LAP3: variants seen among roughly 807,000 people sequenced by gnomAD.
LAP3 encodes leucine aminopeptidase 3, also known as cytosol aminopeptidase.
In LAP3, 46 loss-of-function variants were observed where a neutral mutation model predicts 58.8. That is an observed-to-expected ratio of 0.78 (90% confidence interval 0.62 to 1.00). The LOEUF is 1.00. Ranked by LOEUF, LAP3 falls within the 50% of genes least tolerant of loss-of-function variation. LAP3 has a pLI of 0.00. For missense variants in LAP3, 615 were observed against 659.1 expected (o/e 0.93, Z 0.73); for synonymous variants, 257 against 237.7 (o/e 1.08, Z -0.75).
chr4:17,587,773 G>T (rs1437729521), intron 6 of LAP3: 1 of 152,112 alleles, frequency 6.6e-6, no homozygotes, highest in East Asian at 1.9e-4. Flanking sequence ...TATTAAGTAA[G>T]AACTAACTAG....
intron 8 of LAP3, 83 bp downstream of exon 8, chr4:17,595,617 C>G: frequency 7.0e-7 from 1 of 1,431,572 alleles, no homozygotes; most frequent in Non-Finnish European, 9.7e-7. Flanking sequence ...TATGATTTCC[C>G]CTAATCTGAA....
At chr4:17,592,089 TTAAA>T (rs1319166810) in intron 7 of LAP3, among the ~76,000 whole-genome samples, 6 of 152,052 alleles carry the variant, frequency 3.9e-5, no homozygotes, top group East Asian at 1.9e-4. Context: ...AACACCATCT[TTAAA>T]TAAATAAATA....
intron 1 of LAP3, 37 bp downstream of exon 1, chr4:17,577,604 G>T: frequency 6.7e-7 from 1 of 1,484,346 alleles, no homozygotes; most frequent in Admixed American, 2.1e-5. Flanking sequence ...CCGCCGCTGG[G>T]GCCCTGCCCG....
At chr4:17,577,711 C>A (rs959360819) in intron 1 of LAP3, 144 bp downstream of exon 1, 3 of 640,166 alleles carry the variant, frequency 4.7e-6, no homozygotes, top group African/African-American at 1.9e-5. Flanking sequence ...TCTCTCCTTG[C>A]GGGGATCGGC....
At chr4:17,589,638 A>G (rs1367716101) in intron 7 of LAP3, among the ~76,000 whole-genome samples, 3 of 151,822 alleles carry the variant, frequency 2.0e-5, no homozygotes, top group Admixed American at 6.6e-5. Flanking sequence ...TTTTAAAAAA[A>G]ATATAGAGAT....
chr4:17,583,430 C>CT, intron 4 of LAP3, 53 bp from the exon 5 acceptor site: 3 of 1,604,810 alleles, frequency 1.9e-6, no homozygotes, highest in Non-Finnish European at 2.6e-6. Context: ...GCTGTCTGCT[C>CT]TTTGAGTTGT....
Position 17,583,496 on chromosome 4 carries a change from G to T in LAP3, c.393G>T (p.Gln131His), listed in dbSNP as rs748440338. The change falls in exon 5 of 13, where the codon CAG becomes CAT. Residue 131 changes from glutamine to histidine, a missense_variant. Gln to His is a conservative substitution (Grantham distance 24). Transcript: ENST00000226299. ...IRAAVAAGCR[Q>H]IQDLELSSVE... ...TGTCTTTTCAAGCGGGGTGCAGGCA[G>T]ATTCAAGACCTGGAGCTCTCGTCTG... 9.3e-6 allele frequency: 15 copies of T among 1,613,940 alleles called. No homozygotes were observed. The South Asian group carries it at 1.6e-4, about 18-fold the overall frequency.
chr4:17,597,057 CTT>C lies in LAP3; in HGVS notation c.1002_1003del (p.Cys335Ter). On this transcript the variant is annotated frameshift_variant, in exon 9 of 13. Transcript: ENST00000226299. LOFTEE classifies it high-confidence loss of function. Reference protein sequence around the residue: ...LPINIIGLAPLCENMPSGKAN... With the variant: ...LPINIIGLAPXCENMPSGKAN... ...ATTATTTCCAATAGGTCTGGCCCCT[CTT>C]TGTGAAAATATGCCCAGCGGCAAGG... The C allele has an allele frequency of 1.9e-6, 3 of 1,614,192 alleles. No homozygotes were observed. The highest frequency in any genetic ancestry group is 2.5e-6 in the Non-Finnish European group (3 of 1,180,010).
In LAP3 at chr4:17,607,492, A is replaced by G. The variant is rs963176420; in HGVS notation, c.1463A>G (p.Asn488Ser). 1 of 1,614,196 alleles carries G rather than the reference A, an allele frequency of 6.2e-7. No individual in the cohort carries two copies. The highest frequency in any genetic ancestry group is 8.5e-7 in the Non-Finnish European group (1 of 1,180,036). ...TTAGACATAGCAGGCGTGATGACCA[A>G]CAAAGATGAAGTTCCCTATCTACGG... ...AHLDIAGVMT[N>S]KDEVPYLRKG... is the part of the protein sequence containing the mutation. The change falls in exon 13 of 13, where the codon AAC (asparagine) becomes AGC (serine). Residue 488 changes from asparagine (N) to serine (S), a missense_variant. Physicochemically the swap from Asn to Ser is conservative, Grantham distance 46. Transcript: ENST00000226299.
chr4:17,591,693 G>T (rs982700994), intron 7 of LAP3, among the ~76,000 whole-genome samples: 3 of 152,150 alleles, frequency 2.0e-5, no homozygotes, highest in Non-Finnish European at 4.4e-5. Context: ...ACATGGTGAA[G>T]GCTGTAAGGT....
chr4:17,588,695 C>A, intron 6 of LAP3, 124 bp from the exon 7 acceptor site: 1 of 850,552 alleles, frequency 1.2e-6, no homozygotes, highest in Non-Finnish European at 1.7e-6. Context: ...TAATTGAAAC[C>A]TTAATGTGCG....
chr4:17,583,488 T>C lies in LAP3; in HGVS notation c.385T>C (p.Cys129Arg). 6.2e-7 allele frequency: 1 copy of C among 1,613,624 alleles called. No homozygotes were observed. Among genetic ancestry groups the C allele is most frequent in the Non-Finnish European group, 8.5e-7 (1 of 1,180,014 alleles). The change falls in exon 5 of 13, where the codon TGC (cysteine) becomes CGC (arginine). Residue 129 changes from cysteine to arginine, a missense_variant. Physicochemically the swap from Cys to Arg is radical, Grantham distance 180 (BLOSUM62 -3). Transcript: ENST00000226299. Reference sequence around the variant, plus strand: ...GATTCCTCTGTCTTTTCAAGCGGGGTGCAGGCAGATTCAAGACCTGGAGCT... The same window carrying C: ...GATTCCTCTGTCTTTTCAAGCGGGGCGCAGGCAGATTCAAGACCTGGAGCT... ...ENIRAAVAAG[C>R]RQIQDLELSS...
At position 17,577,267 on chromosome 4, in the gene LAP3, A is replaced by G. The variant is rs1713217494; in HGVS notation, c.-199A>G. On this transcript the variant is annotated 5_prime_UTR_variant, in exon 1 of 13. Coordinates refer to ENST00000226299, the MANE Select transcript of LAP3 (RefSeq NM_015907.3). ...GGGCGCACCCTTGAGTCCCCTCCAC[A>G]ACCGCGGTTTGATCCCAGCGGTCCA... 1.1e-5 allele frequency: 2 copies of G among 184,120 alleles called. No homozygotes were observed. The allele number at this position is 184,120 out of a possible 1,614,324, so 11.4% of individuals were successfully genotyped here.
intron 2 of LAP3, among the ~76,000 whole-genome samples, chr4:17,580,655 A>G (rs1258853887): frequency 6.6e-6 from 1 of 151,962 alleles, no homozygotes; most frequent in Non-Finnish European, 1.5e-5. Context: ...GATCCCTAGG[A>G]TAGTTAATAG....
chr4:17,603,610 G>A (rs1229315265), intron 10 of LAP3, among the ~76,000 whole-genome samples: 1 of 151,380 alleles, frequency 6.6e-6, no homozygotes. Flanking sequence ...AGGTTCAAGC[G>A]GTTCAAGCGA....
intron 6 of LAP3, among the ~76,000 whole-genome samples, chr4:17,588,201 CT>C (rs11333479): frequency 0.6 from 89,504 of 148,130 alleles, 27,540 homozygotes; most frequent in East Asian, 0.88. Context: ...CTAATTTTTT[CT>C]TTTTTTTTTT....
intron 12 of LAP3, among the ~76,000 whole-genome samples, 182 bp from the exon 13 acceptor site, chr4:17,607,218 C>G (rs532384424): frequency 6.6e-6 from 1 of 152,238 alleles, no homozygotes; most frequent in East Asian, 1.9e-4. Context: ...TAGAATTTAT[C>G]CTTTACTGCT....
chr4:17,582,090 A>G (rs1021891243), intron 3 of LAP3, 198 bp from the exon 4 acceptor site: 3 of 611,118 alleles, frequency 4.9e-6, no homozygotes, highest in Admixed American at 6.4e-5. Context: ...TCTCAAACCT[A>G]TAAGTTATAC....
chr4:17,588,999 C>T (rs770910763), intron 7 of LAP3, 22 bp downstream of exon 7: 2 of 1,603,016 alleles, frequency 1.2e-6, no homozygotes, highest in Admixed American at 1.7e-5. Context: ...GGTGTCCGTG[C>T]TTTGTATTTT....
Sources: allele counts gnomAD v4.1 joint callset (sites outside exome capture counted in the v4.1 genomes callset), GRCh38; gene constraint gnomAD v4.1.1; transcripts MANE v1.5; gene names NCBI Gene and HGNC (gene_info 2026-07-23, HGNC 2026-07-21).